The following GALNT17 variants were observed in gnomAD, a reference collection of about 807,000 sequenced individuals.
GALNT17 encodes the protein polypeptide N-acetylgalactosaminyltransferase 17, also known as UDP-GalNAc:polypeptide N-acetylgalactosaminyltransferase-like 3.
Under a neutral mutation model 63.7 loss-of-function variants are expected in GALNT17, and 29 were observed. The ratio of observed to expected loss-of-function variants is 0.46; its 90% CI spans 0.34 to 0.62. The LOEUF (loss-of-function observed/expected upper bound fraction) is 0.62. Among genes scored for constraint, GALNT17 ranks in the 20% least tolerant of loss-of-function variants. The probability of loss-of-function intolerance (pLI) is 0.01; values close to 1 mark genes in which losing one functional copy is unlikely to be tolerated. For missense variants in GALNT17, 603 were observed against 799.6 expected, an observed-to-expected ratio of 0.75 and a Z score of 2.97; for synonymous variants, 305 against 318.3, an observed-to-expected ratio of 0.96 and a Z score of 0.45.
chr7:71,665,694 G>A lies in GALNT17; in HGVS notation c.1266+98G>A, dbSNP rs924628321. ...AACCAATCGTTCCTCCCCAGAAAATGCTCATGCTTAGAAAAATTATGAATG... is the reference window on the plus strand; with the variant it reads ...AACCAATCGTTCCTCCCCAGAAAATACTCATGCTTAGAAAAATTATGAATG... On this transcript the variant is annotated intron_variant, in intron 7 of 10. Transcript: ENST00000333538. 10 of 1,401,620 alleles carry A rather than the reference G, an allele frequency of 7.1e-6. No homozygotes were observed. In the African/African-American group the frequency reaches 1.5e-4, roughly 21 times the overall value. The allele number at this position is 1,401,620 out of a possible 1,614,324, so 86.8% of individuals were successfully genotyped here.
chr7:71,494,171 C>G (rs1563134656), intron 5 of GALNT17, among the ~76,000 whole-genome samples: 1 of 152,054 alleles, frequency 6.6e-6, no homozygotes, highest in Non-Finnish European at 1.5e-5. Flanking sequence ...GGAGGAGAGA[C>G]AGTATGTGTG....
intron 1 of GALNT17, among the ~76,000 whole-genome samples, chr7:71,322,144 AGGTCTCATTATGTTGCCCAGGCT>A (rs1258169882): frequency 4.6e-5 from 7 of 151,016 alleles, no homozygotes; most frequent in Non-Finnish European, 1.0e-4. Context: ...TTGTAGAGAC[AGGTCTCATTATGTTGCCCAGGCT>A]GGTCTCTAAC....
chr7:71,698,953 C>T (rs1027347366), intron 9 of GALNT17, among the ~76,000 whole-genome samples: 1 of 151,762 alleles, frequency 6.6e-6, no homozygotes, highest in African/African-American at 2.4e-5. Context: ...GGGCAGATTG[C>T]CAGAACTCAG....
In GALNT17 at chr7:71,154,732, ATG is replaced by A. The variant is rs575831164; in HGVS notation, c.238+21693_238+21694del. Among the ~76,000 whole-genome samples the A allele has an allele frequency of 6.4e-3, 969 of 151,738 alleles. 13 individuals carry two copies. The highest frequency in any genetic ancestry group is 0.021 in the African/African-American group (871 of 41,152). On this transcript the variant is annotated intron_variant, in intron 1 of 10. Coordinates refer to ENST00000333538, the MANE Select transcript of GALNT17 (RefSeq NM_022479.3). ...GCTGGGACTACAGGCGCCCGCCACC[ATG>A]CCCGGCTAATTTTTTGTATTTTTAG...
intron 5 of GALNT17, among the ~76,000 whole-genome samples, chr7:71,568,527 A>T (rs947650992): frequency 4.6e-5 from 7 of 152,190 alleles, no homozygotes; most frequent in Admixed American, 2.6e-4. Context: ...AAACATCTTT[A>T]TCTCCATGTG....
intron 6 of GALNT17, among the ~76,000 whole-genome samples, chr7:71,615,343 C>T (rs1790185374): frequency 6.6e-6 from 1 of 152,138 alleles, no homozygotes; most frequent in African/African-American, 2.4e-5. Context: ...GGCCCTCCAT[C>T]TGCCAGCGAG....
At chr7:71,366,364 C>T (rs1319585919) in intron 2 of GALNT17, among the ~76,000 whole-genome samples, 3 of 152,012 alleles carry the variant, frequency 2.0e-5, no homozygotes, top group African/African-American at 4.8e-5. Flanking sequence ...GAGTGGATCA[C>T]GAAGTCAAGA....
chr7:71,474,914 G>C (rs1787698510), intron 5 of GALNT17, among the ~76,000 whole-genome samples: 1 of 152,168 alleles, frequency 6.6e-6, no homozygotes, highest in Non-Finnish European at 1.5e-5. Flanking sequence ...AGGAAGATTT[G>C]ACCCAGACAG....
chr7:71,406,405 C>T (rs1410354691), intron 3 of GALNT17, among the ~76,000 whole-genome samples: 2 of 152,022 alleles, frequency 1.3e-5, no homozygotes, highest in African/African-American at 4.8e-5. Context: ...TTTTGGAGAA[C>T]TTACAAAAGT....
At chr7:71,488,169 T>TAAAA (rs1343277575) in intron 5 of GALNT17, among the ~76,000 whole-genome samples, 2 of 123,538 alleles carry the variant, frequency 1.6e-5, no homozygotes, top group Non-Finnish European at 3.3e-5. Flanking sequence ...CCCTATCTCT[T>TAAAA]AAAAAAAAAA....
chr7:71,264,677 G>T (rs1790454608), intron 1 of GALNT17, among the ~76,000 whole-genome samples: 1 of 152,058 alleles, frequency 6.6e-6, no homozygotes, highest in African/African-American at 2.4e-5. Context: ...TCATTTGCAG[G>T]GACATGGATG....
chr7:71,692,099 T>TG (rs35238259), intron 9 of GALNT17, among the ~76,000 whole-genome samples: 1 of 151,924 alleles, frequency 6.6e-6, no homozygotes, highest in East Asian at 1.9e-4. Flanking sequence ...TTTATAGAGA[T>TG]GGGGTCTCGC....
intron 1 of GALNT17, among the ~76,000 whole-genome samples, chr7:71,197,192 C>CTTTTT (rs34276195): frequency 3.2e-4 from 22 of 69,804 alleles, no homozygotes; most frequent in East Asian, 4.7e-4. Context: ...CCCTGTTGTG[C>CTTTTT]TTTTTTTTTT....
intron 5 of GALNT17, among the ~76,000 whole-genome samples, chr7:71,501,180 G>A (rs2116701047): frequency 6.6e-6 from 1 of 152,172 alleles, no homozygotes; most frequent in East Asian, 1.9e-4. Flanking sequence ...TGTTGGCCAG[G>A]CTGGTCTTGA....
chr7:71,251,109 C>T (rs538123431), intron 1 of GALNT17, among the ~76,000 whole-genome samples: 1 of 152,216 alleles, frequency 6.6e-6, no homozygotes, highest in South Asian at 2.1e-4. Flanking sequence ...TGTTGGTGTG[C>T]TGCACCCATT....
chr7:71,388,971 G>C, intron 3 of GALNT17, among the ~76,000 whole-genome samples: 1 of 152,198 alleles, frequency 6.6e-6, no homozygotes, highest in East Asian at 1.9e-4. Context: ...CAGGAGGTGA[G>C]TGGCAGGAGA....
At chr7:71,631,004 C>A (rs991507635) in intron 6 of GALNT17, among the ~76,000 whole-genome samples, 5 of 152,086 alleles carry the variant, frequency 3.3e-5, no homozygotes, top group African/African-American at 1.2e-4. Flanking sequence ...CTATTCTGGC[C>A]CTGGGAATGC....
chr7:71,359,018 T>C (rs1393077487), intron 2 of GALNT17, among the ~76,000 whole-genome samples: 1 of 152,100 alleles, frequency 6.6e-6, no homozygotes, highest in Admixed American at 6.6e-5. Context: ...CAAGTGATCC[T>C]CCTGCCTTGG....
At chr7:71,424,180 C>T (rs1222940679) in intron 5 of GALNT17, among the ~76,000 whole-genome samples, 1 of 152,178 alleles carries the variant, frequency 6.6e-6, no homozygotes, top group Non-Finnish European at 1.5e-5. Context: ...TCTAAGCCTT[C>T]AGGGATATTT....
Sources: allele counts gnomAD v4.1 joint callset (sites outside exome capture counted in the v4.1 genomes callset), GRCh38; gene constraint gnomAD v4.1.1; transcripts MANE v1.5; gene names NCBI Gene and HGNC (gene_info 2026-07-23, HGNC 2026-07-21).